The following PCDHGA7 variants were observed in gnomAD, a reference collection of about 807,000 sequenced individuals.
The protein encoded by PCDHGA7 is protocadherin gamma-A7.
In PCDHGA7, 44 loss-of-function variants were observed where a neutral mutation model predicts 58.3. The ratio of observed to expected loss-of-function variants is 0.75; its 90% CI spans 0.59 to 0.97. The LOEUF is 0.97. PCDHGA7 is among the 50% of genes least tolerant of loss of function. The pLI is 0.00. For missense variants in PCDHGA7, 1,266 were observed against 1,188.7 expected, an observed-to-expected ratio of 1.06 and a Z score of -0.96; for synonymous variants, 516 against 504.2, an observed-to-expected ratio of 1.02 and a Z score of -0.31.
intron 3 of PCDHGA7, 73 bp from the exon 4 acceptor site, chr5:141,510,874 G>C: frequency 6.2e-7 from 1 of 1,610,126 alleles, no homozygotes; most frequent in Non-Finnish European, 8.5e-7. Context: ...TTCATTAACT[G>C]CTGGGGATAT....
intron 1 of PCDHGA7, among the ~76,000 whole-genome samples, chr5:141,446,868 C>T (rs980547855): frequency 6.6e-6 from 1 of 152,160 alleles, no homozygotes; most frequent in Non-Finnish European, 1.5e-5. Flanking sequence ...TAGCTCTACA[C>T]TGGTATGTTT....
At chr5:141,466,376 C>A (rs1046432765) in intron 1 of PCDHGA7, among the ~76,000 whole-genome samples, 1 of 151,904 alleles carries the variant, frequency 6.6e-6, no homozygotes, top group Non-Finnish European at 1.5e-5. Flanking sequence ...GTTTTGGCAC[C>A]CATCTAATGG....
intron 2 of PCDHGA7, among the ~76,000 whole-genome samples, chr5:141,504,786 C>A (rs568185327): frequency 6.6e-6 from 1 of 152,014 alleles, no homozygotes; most frequent in South Asian, 2.1e-4. Context: ...TCTCTTGGGG[C>A]CTCCTACATC....
intron 1 of PCDHGA7, chr5:141,441,799 G>C (rs546770596): frequency 2.6e-6 from 1 of 385,350 alleles, no homozygotes; most frequent in Non-Finnish European, 5.2e-6. Context: ...AACGCACCGC[G>C]GGTGCTGTAC....
chr5:141,496,993 C>G (rs981547671), intron 2 of PCDHGA7, among the ~76,000 whole-genome samples: 1 of 151,910 alleles, frequency 6.6e-6, no homozygotes, highest in South Asian at 2.1e-4. Flanking sequence ...TGAGACCAGC[C>G]TGGCAGCCAA....
In PCDHGA7 at chr5:141,384,822, C is replaced by T. The variant is rs149266522; in HGVS notation, c.1923C>T (p.Ser641=). 5.0e-5 allele frequency: 80 copies of T among 1,613,436 alleles called. No individual in the cohort carries two copies. The highest frequency in any genetic ancestry group is 3.2e-4 in the Admixed American group (19 of 60,022). Residue 641 remains serine (S), a synonymous_variant, in exon 1 of 4, where the codon AGC becomes AGT. Transcript: ENST00000518325. ...ALLDRDALKQ[S]LVVAVQDHGQ... ...TGGACAGAGATGCCCTCAAGCAGAGCCTCGTGGTGGCCGTCCAGGACCACG... is the reference window on the plus strand; with the variant it reads ...TGGACAGAGATGCCCTCAAGCAGAGTCTCGTGGTGGCCGTCCAGGACCACG...
intron 3 of PCDHGA7, among the ~76,000 whole-genome samples, chr5:141,508,937 G>T (rs764041162): frequency 3.0e-4 from 45 of 152,040 alleles, no homozygotes; most frequent in Non-Finnish European, 6.3e-4. Flanking sequence ...AGTTAATTAG[G>T]GAAAACAGAG....
At chr5:141,423,327 A>G in intron 1 of PCDHGA7, 1 of 1,614,100 alleles carries the variant, frequency 6.2e-7, no homozygotes, top group Non-Finnish European at 8.5e-7. Flanking sequence ...CGGTGGCCGC[A>G]GTCTCCTGCA....
At chr5:141,389,725 T>A in intron 1 of PCDHGA7, 1 of 1,612,726 alleles carries the variant, frequency 6.2e-7, no homozygotes, top group South Asian at 1.1e-5. Flanking sequence ...GAGCCCGGGC[T>A]CTTCAGCCTG....
intron 1 of PCDHGA7, among the ~76,000 whole-genome samples, chr5:141,472,280 A>G (rs988007394): frequency 6.6e-6 from 1 of 152,276 alleles, no homozygotes; most frequent in African/African-American, 2.4e-5. Context: ...AGTGGCTCAC[A>G]CCTGTAATCC....
At chr5:141,496,892 A>AG (rs1372616572) in intron 2 of PCDHGA7, among the ~76,000 whole-genome samples, 1 of 151,766 alleles carries the variant, frequency 6.6e-6, no homozygotes, top group Non-Finnish European at 1.5e-5. Flanking sequence ...AACACTTAAA[A>AG]AAAAAAAAAA....
At chr5:141,414,706 A>G in intron 1 of PCDHGA7, 1 of 1,614,002 alleles carries the variant, frequency 6.2e-7, no homozygotes, top group South Asian at 1.1e-5. Context: ...ATACATATCC[A>G]TCAACTCAGA....
At chr5:141,413,195 G>A (rs771456948) in intron 1 of PCDHGA7, 2 of 1,610,846 alleles carry the variant, frequency 1.2e-6, no homozygotes, top group Admixed American at 1.7e-5. Context: ...CAAAGGAATC[G>A]CTCAAAGGAA....
intron 1 of PCDHGA7, chr5:141,423,265 G>T: frequency 6.2e-7 from 1 of 1,613,666 alleles, no homozygotes; most frequent in Non-Finnish European, 8.5e-7. Flanking sequence ...CGGCAGCCTC[G>T]AGTCTCTGGC....
chr5:141,457,676 A>G (rs1380484149), intron 1 of PCDHGA7, among the ~76,000 whole-genome samples: 2 of 152,240 alleles, frequency 1.3e-5, no homozygotes, highest in East Asian at 3.8e-4. Flanking sequence ...TTATTTCTAC[A>G]TAGGACTTTT....
At chr5:141,422,888 T>C in intron 1 of PCDHGA7, 2 of 1,614,262 alleles carry the variant, frequency 1.2e-6, no homozygotes, top group South Asian at 2.2e-5. Flanking sequence ...CTGTTCGTGC[T>C]GGACCAGAAC....
chr5:141,476,587 G>A lies in PCDHGA7; in HGVS notation c.2425-18220G>A. ...CTCCGGGGACGCGCTTTCCGCTCGA[G>A]AGCGCGCACGATCCCGATGTGGGAA... On this transcript the variant is annotated intron_variant, in intron 1 of 3. Coordinates refer to ENST00000518325, the MANE Select transcript of PCDHGA7 (RefSeq NM_018920.4). The surrounding 1 kb of genome is among the most constrained non-coding windows in gnomAD (Gnocchi z 7.6). 6.2e-7 allele frequency: 1 copy of A among 1,614,234 alleles called. No homozygotes were observed. The highest frequency in any genetic ancestry group is 1.1e-5 in the South Asian group (1 of 91,086).
chr5:141,468,274 G>A (rs1461428449), intron 1 of PCDHGA7, among the ~76,000 whole-genome samples: 1 of 144,906 alleles, frequency 6.9e-6, no homozygotes, highest in Non-Finnish European at 1.5e-5. Flanking sequence ...GTGGTGAGCC[G>A]AGACCACGCC....
intron 1 of PCDHGA7, chr5:141,422,699 C>T: frequency 6.2e-7 from 1 of 1,603,420 alleles, no homozygotes; most frequent in Middle Eastern, 1.7e-4. Flanking sequence ...GTCACTTACT[C>T]TCTGACGGAT....
Sources: allele counts gnomAD v4.1 joint callset (sites outside exome capture counted in the v4.1 genomes callset), GRCh38; gene constraint gnomAD v4.1.1; non-coding constraint Gnocchi (gnomAD v3.1); transcripts MANE v1.5; gene names NCBI Gene and HGNC (gene_info 2026-07-23, HGNC 2026-07-21).